The following CTNNA2 variants were observed in gnomAD, a reference collection of about 807,000 sequenced individuals.
CTNNA2 encodes the protein catenin alpha 2.
Under a neutral mutation model 101.0 loss-of-function variants are expected in CTNNA2, and 42 were observed. The ratio of observed to expected loss-of-function variants is 0.42; its 90% CI spans 0.32 to 0.54. The LOEUF is 0.54. Ranked by LOEUF, CTNNA2 falls within the 20% of genes least tolerant of loss-of-function variation. The probability of loss-of-function intolerance (pLI) is 0.14; values close to 1 mark genes in which losing one functional copy is unlikely to be tolerated. For missense variants in CTNNA2, 871 were observed against 1,223.1 expected (o/e 0.71, Z 4.29); for synonymous variants, 450 against 456.4 (o/e 0.99, Z 0.18).
chr2:79,820,246 C>T (rs1677896394), intron 3 of CTNNA2, among the ~76,000 whole-genome samples: 1 of 152,098 alleles, frequency 6.6e-6, no homozygotes, highest in South Asian at 2.1e-4. Context: ...ATTAATTGCC[C>T]TTGTTAGTGC....
intron 7 of CTNNA2, among the ~76,000 whole-genome samples, chr2:80,036,008 TC>T (rs1241348205): frequency 6.6e-6 from 1 of 152,186 alleles, no homozygotes; most frequent in Non-Finnish European, 1.5e-5. Flanking sequence ...GTCTTTTGAT[TC>T]AGTCCCACAT....
chr2:80,412,316 C>T (rs1205546531), intron 8 of CTNNA2, among the ~76,000 whole-genome samples: 1 of 152,212 alleles, frequency 6.6e-6, no homozygotes, highest in East Asian at 1.9e-4. Flanking sequence ...ATCAACCCTT[C>T]CCTGTCCTAG....
intron 7 of CTNNA2, chr2:80,328,490 G>A (rs1360547690): frequency 7.0e-6 from 3 of 427,730 alleles, no homozygotes; most frequent in East Asian, 1.4e-4. Flanking sequence ...TGGAGCAGCA[G>A]GTAGTCCAGA....
chr2:79,954,316 C>T lies in CTNNA2; in HGVS notation c.1056+44519C>T, dbSNP rs755094103. ...ACACAGAGACAAACCATATCAAATACGTAGCAATTTATAATTGGTCCATAA... is the reference window on the plus strand; with the variant it reads ...ACACAGAGACAAACCATATCAAATATGTAGCAATTTATAATTGGTCCATAA... On this transcript the variant is annotated intron_variant, in intron 7 of 18. Transcript: ENST00000402739. Among the ~76,000 whole-genome samples, 59 of 152,240 alleles carry T rather than the reference C, an allele frequency of 3.9e-4. 1 individual carries two copies. The highest frequency in any genetic ancestry group is 1.0e-4 in the Non-Finnish European group (7 of 68,004).
At chr2:79,328,634 G>A (rs1439769128) in intron 3 of CTNNA2, among the ~76,000 whole-genome samples, 2 of 152,126 alleles carry the variant, frequency 1.3e-5, no homozygotes, top group African/African-American at 4.8e-5. Context: ...ATTCAATGAG[G>A]CATCCATGAA....
At chr2:80,387,156 G>A (rs1437597521) in intron 7 of CTNNA2, among the ~76,000 whole-genome samples, 1 of 152,082 alleles carries the variant, frequency 6.6e-6, no homozygotes, top group South Asian at 2.1e-4. Context: ...GGGCGTGGTG[G>A]CGGGCACCTG....
intron 3 of CTNNA2, among the ~76,000 whole-genome samples, chr2:79,819,990 A>C (rs904526951): frequency 3.1e-4 from 47 of 152,146 alleles, no homozygotes; most frequent in African/African-American, 1.1e-3. Context: ...ATCTCATGTA[A>C]CTGTAAGGAA....
intron 1 of CTNNA2, among the ~76,000 whole-genome samples, chr2:79,559,438 A>G (rs191126902): frequency 5.9e-4 from 89 of 152,078 alleles, no homozygotes; most frequent in Admixed American, 5.8e-3. Flanking sequence ...AGTGAGAAAT[A>G]ACAGAGGCCC....
At chr2:80,050,788 C>T (rs991202792) in intron 7 of CTNNA2, among the ~76,000 whole-genome samples, 1 of 152,228 alleles carries the variant, frequency 6.6e-6, no homozygotes, top group African/African-American at 2.4e-5. Flanking sequence ...GCAGCGTCAA[C>T]TTCCAGGGAT....
chr2:79,408,312 TTATTA>T (rs1477396056), intron 4 of CTNNA2, among the ~76,000 whole-genome samples: 1 of 151,010 alleles, frequency 6.6e-6, no homozygotes, highest in Non-Finnish European at 1.5e-5. Flanking sequence ...ATTATTATTA[TTATTA>T]TAATACTTTA....
chr2:79,498,267 G>A (rs553952595), intron 4 of CTNNA2: 2 of 152,326 alleles, frequency 1.3e-5, no homozygotes, highest in African/African-American at 2.4e-5. Flanking sequence ...GGACATGGAA[G>A]AGTGTGTCCT....
At chr2:79,273,436 A>T (rs1325962353) in intron 2 of CTNNA2, among the ~76,000 whole-genome samples, 4 of 152,056 alleles carry the variant, frequency 2.6e-5, no homozygotes, top group African/African-American at 9.7e-5. Flanking sequence ...ACCTCGCTCT[A>T]GTATATTGAC....
intron 3 of CTNNA2, among the ~76,000 whole-genome samples, chr2:79,821,266 T>C (rs1413680567): frequency 6.6e-6 from 1 of 152,172 alleles, no homozygotes; most frequent in Non-Finnish European, 1.5e-5. Context: ...TGGAGTGTAG[T>C]GGTGTGATCA....
intron 9 of CTNNA2, among the ~76,000 whole-genome samples, chr2:80,442,032 G>A (rs1682637289): frequency 6.6e-6 from 1 of 152,214 alleles, no homozygotes; most frequent in Middle Eastern, 3.2e-3. Context: ...GCTCTAAGAG[G>A]ACTAGTAGCC....
At chr2:79,601,956 A>G (rs562008587) in intron 1 of CTNNA2, among the ~76,000 whole-genome samples, 2 of 152,322 alleles carry the variant, frequency 1.3e-5, no homozygotes, top group Admixed American at 1.3e-4. Context: ...TTAGCCTACA[A>G]TTGGGCAAAA....
At chr2:79,644,699 A>G (rs968101757) in intron 1 of CTNNA2, among the ~76,000 whole-genome samples, 11 of 152,136 alleles carry the variant, frequency 7.2e-5, no homozygotes, top group African/African-American at 2.2e-4. Context: ...AAGCAGCCAC[A>G]TTGCACATGA....
intron 2 of CTNNA2, among the ~76,000 whole-genome samples, chr2:79,672,017 G>A (rs1682872879): frequency 6.6e-6 from 1 of 152,114 alleles, no homozygotes; most frequent in Admixed American, 6.5e-5. Flanking sequence ...TTTATAACCT[G>A]AACAAATACC....
chr2:80,068,810 T>C (rs1698143167), intron 7 of CTNNA2, among the ~76,000 whole-genome samples: 3 of 152,164 alleles, frequency 2.0e-5, no homozygotes, highest in Non-Finnish European at 4.4e-5. Context: ...TCTCACATGT[T>C]TTCGTATGAG....
chr2:79,500,106 AT>A (rs1671303561), intron 4 of CTNNA2, among the ~76,000 whole-genome samples: 1 of 152,164 alleles, frequency 6.6e-6, no homozygotes, highest in Non-Finnish European at 1.5e-5. Flanking sequence ...AATATCTTTC[AT>A]GTTGACACAT....
Sources: allele counts gnomAD v4.1 joint callset (sites outside exome capture counted in the v4.1 genomes callset), GRCh38; gene constraint gnomAD v4.1.1; transcripts MANE v1.5; gene names NCBI Gene and HGNC (gene_info 2026-07-23, HGNC 2026-07-21).